Variants in BCL2L13 observed in about 807,000 individuals in gnomAD.
The protein encoded by BCL2L13 is bcl-2-like protein 13.
BCL2L13 carries 13 observed loss-of-function variants against 25.8 expected under a neutral mutation model. The observed-to-expected ratio is 0.50, with a 90% CI of 0.33 to 0.80. The LOEUF (loss-of-function observed/expected upper bound fraction) is 0.80. Ranked by LOEUF, BCL2L13 falls within the 30% of genes least tolerant of loss-of-function variation. The probability of loss-of-function intolerance (pLI) is 0.02; values close to 1 mark genes in which losing one functional copy is unlikely to be tolerated. For synonymous variants in BCL2L13, 244 were observed against 230.3 expected (o/e 1.06, Z -0.54); for missense variants, 504 against 574.9 (o/e 0.88, Z 1.26).
At position 17,727,409 on chromosome 22, in the gene BCL2L13, C is replaced by A; in HGVS notation, c.1333C>A (p.Pro445Thr). Residue 445 changes from proline (P) to threonine (T), a missense_variant, in exon 7 of 7, where the codon CCC (proline) becomes ACC (threonine). Pro to Thr is a conservative substitution (Grantham distance 38). Transcript: ENST00000317582. ...GTCTGAGGGCAAGTCTAGACTGTCC[C>A]CCGCCGGTGAGATGAAGCCCATGCC... ...PPSEGKSRLSPAGEMKPMPLS... is the reference protein window; with the variant it reads ...PPSEGKSRLSTAGEMKPMPLS... 1 of 1,614,174 alleles carries A rather than the reference C, an allele frequency of 6.2e-7. No individual in the cohort carries two copies. The highest frequency in any genetic ancestry group is 8.5e-7 in the Non-Finnish European group (1 of 1,180,036).
At chr22:17,681,336 C>A (rs2059748752) in intron 2 of BCL2L13, among the ~76,000 whole-genome samples, 1 of 151,858 alleles carries the variant, frequency 6.6e-6, no homozygotes, top group Admixed American at 6.6e-5. Flanking sequence ...GAAACCCTGT[C>A]TCTACTAAAA....
At chr22:17,696,314 C>G (rs763190617) in intron 5 of BCL2L13, 104 bp downstream of exon 5, 3 of 923,852 alleles carry the variant, frequency 3.2e-6, no homozygotes, top group Non-Finnish European at 5.2e-6. Flanking sequence ...AGAGCTCATT[C>G]TTTAATGCAC....
upstream of BCL2L13, among the ~76,000 whole-genome samples, chr22:17,635,224 C>A (rs1385269498): frequency 1.4e-5 from 2 of 145,516 alleles, no homozygotes; most frequent in African/African-American, 2.5e-5. Context: ...GCTATCTCTA[C>A]AAAAAAAAAA....
At chr22:17,684,421 A>G (rs992330231) in intron 3 of BCL2L13, among the ~76,000 whole-genome samples, 6 of 152,200 alleles carry the variant, frequency 3.9e-5, no homozygotes, top group Non-Finnish European at 8.8e-5. Flanking sequence ...AAGAAACACA[A>G]TACACATTAG....
At chr22:17,632,580 T>C (rs2058047279) in intron 1 of BCL2L13, among the ~76,000 whole-genome samples, 1 of 152,154 alleles carries the variant, frequency 6.6e-6, no homozygotes, top group African/African-American at 2.4e-5. Flanking sequence ...CAATCTCTCC[T>C]GTATTTTTAC....
chr22:17,720,893 G>A (rs943798828), intron 6 of BCL2L13, among the ~76,000 whole-genome samples: 33 of 151,890 alleles, frequency 2.2e-4, no homozygotes, highest in Middle Eastern at 3.4e-3. Context: ...CAGGCCGGGC[G>A]CGGTGGCTCA....
At chr22:17,700,321 G>T (rs535250219) in intron 5 of BCL2L13, among the ~76,000 whole-genome samples, 159 of 152,246 alleles carry the variant, frequency 1.0e-3, no homozygotes, top group Middle Eastern at 0.01. Flanking sequence ...GAGAATTGCA[G>T]ATTTATCACT....
intron 2 of BCL2L13, among the ~76,000 whole-genome samples, chr22:17,680,365 C>T (rs570035838): frequency 2.0e-5 from 3 of 150,688 alleles, no homozygotes; most frequent in African/African-American, 7.3e-5. Context: ...AAAAAATTAG[C>T]GGGGAATGGT....
At chr22:17,631,708 T>TATATA (rs55903424) in intron 1 of BCL2L13, among the ~76,000 whole-genome samples, 4 of 9,564 alleles carry the variant, frequency 4.2e-4, no homozygotes, top group South Asian at 4.7e-3. Flanking sequence ...ATATATATAT[T>TATATA]TTTTTTTTTT....
intron 1 of BCL2L13, among the ~76,000 whole-genome samples, chr22:17,632,749 C>CT (rs1555869670): frequency 7.0e-6 from 1 of 143,524 alleles, no homozygotes; most frequent in Non-Finnish European, 1.5e-5. Context: ...TATGATTCTT[C>CT]TTCTTTTTTT....
intron 6 of BCL2L13, among the ~76,000 whole-genome samples, chr22:17,717,544 C>T (rs1032288990): frequency 1.2e-4 from 18 of 152,022 alleles, no homozygotes; most frequent in African/African-American, 2.4e-4. Flanking sequence ...CCTGCCTGGG[C>T]GTCCAAAAGT....
At position 17,667,052 on chromosome 22, in the gene BCL2L13, G is replaced by A. The variant is rs1032017989; in HGVS notation, c.121+11220G>A. 3.3e-5 allele frequency among the ~76,000 whole-genome samples: 5 copies of A among 152,182 alleles called. No individual in the cohort carries two copies. The East Asian group carries it at 9.7e-4, about 29-fold the overall frequency. On this transcript the variant is annotated intron_variant, in intron 2 of 6. Coordinates refer to ENST00000317582, the MANE Select transcript of BCL2L13 (RefSeq NM_015367.4). ...CCATTCATCTGTTCATGGACACTTA[G>A]GTTGCTTCCAAACCTTGGCTGTTGT...
chr22:17,656,347 T>C (rs2058861279), intron 2 of BCL2L13, among the ~76,000 whole-genome samples: 2 of 60,612 alleles, frequency 3.3e-5, no homozygotes, highest in South Asian at 1.0e-3. Flanking sequence ...TTTTTTTTTT[T>C]TTTTTTTTTT....
chr22:17,695,860 A>G (rs1337823145), intron 4 of BCL2L13: 1 of 308,876 alleles, frequency 3.2e-6, no homozygotes, highest in Admixed American at 4.2e-5. Flanking sequence ...GCAGCATAAA[A>G]ATCCTATCCT....
At chr22:17,687,727 C>T (rs1396731159) in intron 3 of BCL2L13, among the ~76,000 whole-genome samples, 1 of 151,874 alleles carries the variant, frequency 6.6e-6, no homozygotes, top group African/African-American at 2.4e-5. Flanking sequence ...CCGTGTTAGC[C>T]AGGATGGTCT....
intron 2 of BCL2L13, among the ~76,000 whole-genome samples, chr22:17,663,221 A>G (rs1221104787): frequency 2.6e-5 from 4 of 152,132 alleles, no homozygotes; most frequent in Non-Finnish European, 4.4e-5. Flanking sequence ...GGAGGTATCT[A>G]TTATTTGTCT....
chr22:17,724,429 G>C (rs2061239091), intron 6 of BCL2L13, among the ~76,000 whole-genome samples: 1 of 152,202 alleles, frequency 6.6e-6, no homozygotes, highest in African/African-American at 2.4e-5. Context: ...TGTGAATTTT[G>C]TGGTCATACT....
intron 1 of BCL2L13, among the ~76,000 whole-genome samples, chr22:17,631,706 ATTTTTTTTTTTTTTTTT>A (rs71201849): frequency 4.6e-4 from 5 of 10,930 alleles, no homozygotes; most frequent in Non-Finnish European, 5.2e-4. Context: ...ATATATATAT[ATTTTTTTTTTTTTTTTT>A]TTTTTTTTTT....
rs2060934454 is a variant in BCL2L13 at position 17,715,931 on chromosome 22, CA to C, written c.601-10743del. Among the ~76,000 whole-genome samples the C allele has an allele frequency of 3.3e-5, 5 of 152,300 alleles. No homozygotes were observed. In the South Asian group the frequency reaches 1.0e-3, roughly 32 times the overall value. On this transcript the variant is annotated intron_variant, in intron 6 of 6. Coordinates refer to ENST00000317582, the MANE Select transcript of BCL2L13 (RefSeq NM_015367.4). ...TACTTGATGTTTAGAGCTTTTATAT[CA>C]AAGATGGGACCAACTTTCTCATCAT...
Sources: gnomAD v4.1 joint callset for allele counts (sites outside exome capture counted in the v4.1 genomes callset) on GRCh38, gnomAD v4.1.1 for gene constraint, MANE v1.5 for transcripts, NCBI Gene and HGNC (gene_info 2026-07-23, HGNC 2026-07-21) for gene names.